NKAIN2: variants seen among roughly 807,000 people sequenced by gnomAD.
NKAIN2 encodes the protein sodium/potassium-transporting ATPase subunit beta-1-interacting protein 2.
Under a neutral mutation model 32.6 loss-of-function variants are expected in NKAIN2, and 14 were observed. The ratio of observed to expected loss-of-function variants is 0.43; its 90% confidence interval spans 0.28 to 0.67. The LOEUF (loss-of-function observed/expected upper bound fraction) is 0.67, where lower values mean the gene tolerates loss of function less well. Ranked by LOEUF, NKAIN2 falls within the 30% of genes least tolerant of loss-of-function variation. The probability of loss-of-function intolerance (pLI) is 0.17; values close to 1 mark genes in which losing one functional copy is unlikely to be tolerated. For synonymous variants in NKAIN2, 80 were observed against 87.2 expected (o/e 0.92, Z 0.46); for missense variants, 198 against 258.3 (o/e 0.77, Z 1.60).
intron 3 of NKAIN2, among the ~76,000 whole-genome samples, chr6:124,384,357 G>T (rs6939050): frequency 2.0e-5 from 3 of 152,070 alleles, no homozygotes; most frequent in East Asian, 3.9e-4. Context: ...GAGTTGAGAA[G>T]TATTCAAGCA....
chr6:123,870,877 G>GTT lies in NKAIN2; in HGVS notation c.54+66624_54+66625dup, dbSNP rs1274626932. Among the ~76,000 whole-genome samples the GTT allele has an allele frequency of 2.6e-5, 4 of 151,982 alleles. No homozygotes were observed. The East Asian group carries it at 5.8e-4, about 22-fold the overall frequency. Reference sequence around the variant, plus strand: ...GTTTTTAATGTTTTGCTTTACTAAAGTTATATATATAGAGTGTATATATAT... The same window carrying GTT: ...GTTTTTAATGTTTTGCTTTACTAAAGTTTTATATATATAGAGTGTATATATAT... On this transcript the variant is annotated intron_variant, in intron 1 of 6. Transcript: ENST00000368417.
intron 1 of NKAIN2, among the ~76,000 whole-genome samples, chr6:124,051,455 A>G (rs1305179036): frequency 6.6e-6 from 1 of 151,992 alleles, no homozygotes; most frequent in Admixed American, 6.6e-5. Flanking sequence ...TTTAAGTTTT[A>G]GGGTACATGT....
chr6:124,190,580 A>G (rs1789965911), intron 1 of NKAIN2, among the ~76,000 whole-genome samples: 1 of 152,228 alleles, frequency 6.6e-6, no homozygotes, highest in South Asian at 2.1e-4. Flanking sequence ...TTTCTCTTGC[A>G]TTAAATATCT....
chr6:124,561,185 G>A (rs988615745), intron 3 of NKAIN2, among the ~76,000 whole-genome samples: 6 of 152,154 alleles, frequency 3.9e-5, no homozygotes, highest in African/African-American at 1.4e-4. Flanking sequence ...GAGACCTTAG[G>A]ATCCCAGATG....
At chr6:124,017,983 G>A (rs1249008538) in intron 1 of NKAIN2, among the ~76,000 whole-genome samples, 1 of 152,208 alleles carries the variant, frequency 6.6e-6, no homozygotes, top group East Asian at 1.9e-4. Context: ...TGCCCTAGCA[G>A]AGGTTGTTCA....
intron 1 of NKAIN2, among the ~76,000 whole-genome samples, chr6:123,888,105 C>G (rs918274218): frequency 1.3e-5 from 2 of 152,032 alleles, no homozygotes; most frequent in Non-Finnish European, 2.9e-5. Context: ...ATTAAATGCT[C>G]TTTAAAATAT....
Position 124,824,573 on chromosome 6 carries a change from T to G in NKAIN2, c.*1344T>G, listed in dbSNP as rs1299650040. 6.6e-6 allele frequency: 1 copy of G among 152,180 alleles called. No individual in the cohort carries two copies. Among genetic ancestry groups the G allele is most frequent in the East Asian group, 1.9e-4 (1 of 5,196 alleles). 9.4% of individuals were successfully genotyped at this position (152,180 alleles called of 1,614,324 possible). On this transcript the variant is annotated 3_prime_UTR_variant, in exon 7 of 7. Coordinates refer to ENST00000368417, the MANE Select transcript of NKAIN2 (RefSeq NM_001040214.3). ...ATTCTGAACTCCTAGGAAATTTTGT[T>G]CTATATTTTAAAGCATTATTTGGTT...
intron 1 of NKAIN2, among the ~76,000 whole-genome samples, chr6:124,268,383 T>C (rs1794598986): frequency 6.6e-6 from 1 of 152,228 alleles, no homozygotes; most frequent in African/African-American, 2.4e-5. Context: ...AATTTAGCAT[T>C]CTATTTTTTT....
At chr6:124,069,122 C>A (rs1783323701) in intron 1 of NKAIN2, among the ~76,000 whole-genome samples, 1 of 152,104 alleles carries the variant, frequency 6.6e-6, no homozygotes, top group Non-Finnish European at 1.5e-5. Context: ...TCTGAGTAAC[C>A]ATTCTGTGAA....
At chr6:124,041,725 GAAAA>G (rs926988899) in intron 1 of NKAIN2, among the ~76,000 whole-genome samples, 3 of 151,792 alleles carry the variant, frequency 2.0e-5, no homozygotes, top group African/African-American at 7.3e-5. Flanking sequence ...AATAAAAAGG[GAAAA>G]AAACAGTTTA....
chr6:124,583,538 A>G (rs966106130), intron 3 of NKAIN2, among the ~76,000 whole-genome samples: 1 of 152,200 alleles, frequency 6.6e-6, no homozygotes, highest in Non-Finnish European at 1.5e-5. Context: ...AATTATCTAT[A>G]CTACATAAAG....
intron 1 of NKAIN2, among the ~76,000 whole-genome samples, chr6:123,932,161 C>T (rs1776278351): frequency 6.6e-6 from 1 of 152,106 alleles, no homozygotes; most frequent in Non-Finnish European, 1.5e-5. Flanking sequence ...TCTTTTCCCC[C>T]GGCTTCCTAA....
At chr6:124,712,229 GAC>G (rs1281445453) in intron 4 of NKAIN2, among the ~76,000 whole-genome samples, 2 of 148,498 alleles carry the variant, frequency 1.3e-5, no homozygotes, top group Admixed American at 6.7e-5. Flanking sequence ...AAAGCTGTCA[GAC>G]AGGGACATTT....
chr6:124,305,769 T>C (rs1333041532), intron 2 of NKAIN2, among the ~76,000 whole-genome samples: 1 of 152,216 alleles, frequency 6.6e-6, no homozygotes, highest in Admixed American at 6.5e-5. Flanking sequence ...TAGGCACTTA[T>C]TTCTGGTCCA....
Position 124,006,875 on chromosome 6 carries a change from TC to T in NKAIN2, c.54+202622del, listed in dbSNP as rs535031120. ...CCTGTTGAAGTAAACAAAAGTAATT[TC>T]ATTTTAGGTTTCTCAGCTGAATGCT... On this transcript the variant is annotated intron_variant, in intron 1 of 6. Coordinates refer to ENST00000368417, the MANE Select transcript of NKAIN2 (RefSeq NM_001040214.3). Among the ~76,000 whole-genome samples the T allele has an allele frequency of 1.2e-3, 183 of 152,284 alleles. 1 individual carries two copies. Among genetic ancestry groups the T allele is most frequent in the African/African-American group, 4.1e-3 (172 of 41,560 alleles).
At chr6:124,253,887 T>TAG (rs1255024369) in intron 1 of NKAIN2, among the ~76,000 whole-genome samples, 2 of 150,596 alleles carry the variant, frequency 1.3e-5, no homozygotes, top group African/African-American at 4.9e-5. Context: ...GGCTGGAGTG[T>TAG]AGTTGCATAA....
intron 3 of NKAIN2, among the ~76,000 whole-genome samples, chr6:124,421,997 G>C (rs1237831414): frequency 6.6e-6 from 1 of 151,974 alleles, no homozygotes; most frequent in Non-Finnish European, 1.5e-5. Flanking sequence ...CCTTCAGTAG[G>C]AAATTATTTT....
intron 1 of NKAIN2, among the ~76,000 whole-genome samples, chr6:123,861,632 G>A (rs371547425): frequency 6.6e-6 from 1 of 152,006 alleles, no homozygotes; most frequent in Non-Finnish European, 1.5e-5. Context: ...TGTCATTTTC[G>A]GGAGAAAATC....
At chr6:124,144,718 G>A (rs1411527834) in intron 1 of NKAIN2, among the ~76,000 whole-genome samples, 1 of 151,768 alleles carries the variant, frequency 6.6e-6, no homozygotes, top group Non-Finnish European at 1.5e-5. Context: ...ACAATCTAGG[G>A]GCAGGCATAA....
Sources: gnomAD v4.1 joint callset for allele counts (sites outside exome capture counted in the v4.1 genomes callset) on GRCh38, gnomAD v4.1.1 for gene constraint, MANE v1.5 for transcripts, NCBI Gene and HGNC (gene_info 2026-07-23, HGNC 2026-07-21) for gene names.